Variants in XKR4 observed in about 807,000 individuals in gnomAD.
The protein encoded by XKR4 is XK-related protein 4.
Under a neutral mutation model 53.9 loss-of-function variants are expected in XKR4, and 12 were observed. That is an observed-to-expected ratio of 0.22 (90% CI 0.14 to 0.36). XKR4 has a LOEUF of 0.36. XKR4 is among the 10% of genes least tolerant of loss of function. The pLI is 1.00. For missense variants in XKR4, 799 were observed against 859.5 expected, an observed-to-expected ratio of 0.93 and a Z score of 0.88; for synonymous variants, 354 against 362.4, an observed-to-expected ratio of 0.98 and a Z score of 0.26.
At chr8:55,252,249 A>G (rs1000780188) in intron 1 of XKR4, among the ~76,000 whole-genome samples, 11 of 152,214 alleles carry the variant, frequency 7.2e-5, no homozygotes, top group African/African-American at 2.4e-4. Context: ...TTTGTCTATG[A>G]TGTCTTCATT....
intron 2 of XKR4, among the ~76,000 whole-genome samples, chr8:55,510,631 C>T (rs1806611901): frequency 6.6e-6 from 1 of 152,106 alleles, no homozygotes; most frequent in African/African-American, 2.4e-5. Context: ...ACATCTGATC[C>T]TAAATCCTAA....
At chr8:55,259,911 C>A (rs1345689526) in intron 1 of XKR4, among the ~76,000 whole-genome samples, 1 of 151,678 alleles carries the variant, frequency 6.6e-6, no homozygotes, top group Non-Finnish European at 1.5e-5. Flanking sequence ...ACACACTCAC[C>A]CACCCACCCA....
At chr8:55,170,032 C>T (rs190432513) in intron 1 of XKR4, among the ~76,000 whole-genome samples, 53 of 152,268 alleles carry the variant, frequency 3.5e-4, no homozygotes, top group Admixed American at 5.9e-4. Context: ...TTCAACAAAA[C>T]AGGCAATAGT....
chr8:55,413,909 A>C (rs1401982271), intron 2 of XKR4, among the ~76,000 whole-genome samples: 1 of 152,226 alleles, frequency 6.6e-6, no homozygotes, highest in East Asian at 1.9e-4. Flanking sequence ...ATTAGTTAAC[A>C]GTCTGTTAAT....
At chr8:55,462,385 G>A (rs1383543732) in intron 2 of XKR4, among the ~76,000 whole-genome samples, 5 of 152,112 alleles carry the variant, frequency 3.3e-5, no homozygotes, top group Non-Finnish European at 7.4e-5. Context: ...AGCTTCATAA[G>A]TGAAGGAGAA....
At chr8:55,486,181 T>C (rs1806188964) in intron 2 of XKR4, among the ~76,000 whole-genome samples, 1 of 152,196 alleles carries the variant, frequency 6.6e-6, no homozygotes. Flanking sequence ...GCGCATCACT[T>C]TGGTGCATAA....
chr8:55,336,252 A>T (rs910553331), intron 1 of XKR4, among the ~76,000 whole-genome samples: 4 of 151,880 alleles, frequency 2.6e-5, no homozygotes, highest in Admixed American at 2.6e-4. Context: ...ACAAGATCTG[A>T]TGGGTTTATC....
At position 55,530,271 on chromosome 8, in the gene XKR4, A is replaced by C. The variant is rs1296616193; in HGVS notation, c.*6044A>C. 1 of 152,144 alleles carries C rather than the reference A, an allele frequency of 6.6e-6. No individual in the cohort carries two copies. Among genetic ancestry groups the C allele is most frequent in the African/African-American group, 2.4e-5 (1 of 41,414 alleles). The allele number at this position is 152,144 out of a possible 1,614,324, so 9.4% of individuals were successfully genotyped here. ...TAAGGTAATTCTGTTTCACTGCCAT[A>C]ATTTTTCCCTAAATTTTATTTAATA... On this transcript the variant is annotated 3_prime_UTR_variant, in exon 3 of 3. Transcript: ENST00000327381.
chr8:55,332,485 C>T (rs754319681), intron 1 of XKR4, among the ~76,000 whole-genome samples: 7 of 151,992 alleles, frequency 4.6e-5, no homozygotes, highest in Non-Finnish European at 7.4e-5. Context: ...TAGGACATAT[C>T]TAGTTGCAAG....
chr8:55,421,226 T>A (rs1804923821), intron 2 of XKR4, among the ~76,000 whole-genome samples: 1 of 152,190 alleles, frequency 6.6e-6, no homozygotes, highest in African/African-American at 2.4e-5. Flanking sequence ...TCACAATAAC[T>A]TTTTAAAGAG....
chr8:55,340,581 C>T (rs1010262922), intron 1 of XKR4, among the ~76,000 whole-genome samples: 3 of 152,240 alleles, frequency 2.0e-5, no homozygotes, highest in African/African-American at 4.8e-5. Flanking sequence ...ATCCCAAAGG[C>T]CAGCTCAGGA....
At position 55,523,752 on chromosome 8, in the gene XKR4, G is replaced by A; in HGVS notation, c.1478G>A (p.Cys493Tyr). Residue 493 changes from cysteine (C) to tyrosine (Y), a missense_variant, in exon 3 of 3, where the codon TGT becomes TAT. Transcript: ENST00000327381. Reference sequence around the variant, plus strand: ...GACGCATTTGCCATTCCAGCGCTGTGTGTGGTGTTCAGCAGCTTTTTAACT... The same window carrying A: ...GACGCATTTGCCATTCCAGCGCTGTATGTGGTGTTCAGCAGCTTTTTAACT... ...IADAFAIPAL[C>Y]VVFSSFLTGV... 6.2e-7 allele frequency: 1 copy of A among 1,614,200 alleles called. No homozygotes were observed. Among genetic ancestry groups the A allele is most frequent in the South Asian group, 1.1e-5 (1 of 91,084 alleles).
intron 1 of XKR4, among the ~76,000 whole-genome samples, chr8:55,108,572 G>C (rs888075874): frequency 6.6e-6 from 1 of 152,128 alleles, no homozygotes; most frequent in African/African-American, 2.4e-5. Flanking sequence ...AGAAAAACAA[G>C]TTGGTTGAAA....
chr8:55,335,615 C>T (rs997980821), intron 1 of XKR4, among the ~76,000 whole-genome samples: 7 of 152,234 alleles, frequency 4.6e-5, no homozygotes, highest in African/African-American at 1.7e-4. Flanking sequence ...CACACAAAAT[C>T]CTGTATTTGA....
At chr8:55,451,573 T>C in intron 2 of XKR4, 1 of 1,227,670 alleles carries the variant, frequency 8.1e-7, no homozygotes. Flanking sequence ...CAGTACTGCC[T>C]TGGACCGCCG....
intron 1 of XKR4, among the ~76,000 whole-genome samples, chr8:55,144,335 G>A (rs1216149430): frequency 2.0e-5 from 3 of 151,620 alleles, no homozygotes; most frequent in Non-Finnish European, 4.4e-5. Context: ...TTCATTTCCT[G>A]ATTTGACAAA....
Position 55,476,892 on chromosome 8 carries a change from G to A in XKR4, c.1007-46389G>A, listed in dbSNP as rs571881478. 2.6e-4 allele frequency among the ~76,000 whole-genome samples: 39 copies of A among 152,196 alleles called. 1 individual carries two copies. The highest frequency in any genetic ancestry group is 6.2e-4 in the South Asian group (3 of 4,822). ...GCTTGATTAGGTAAACAAAGCAGCC[G>A]GGAAGCTCGAACTGGGTGGAGCCCA... On this transcript the variant is annotated intron_variant, in intron 2 of 2. Coordinates refer to ENST00000327381, the MANE Select transcript of XKR4 (RefSeq NM_052898.2).
chr8:55,464,687 A>T (rs1206226806), intron 2 of XKR4, among the ~76,000 whole-genome samples: 1 of 152,150 alleles, frequency 6.6e-6, no homozygotes, highest in Non-Finnish European at 1.5e-5. Context: ...GAAAAGAGGA[A>T]GTCAAATTGT....
At chr8:55,124,374 G>C (rs935421694) in intron 1 of XKR4, among the ~76,000 whole-genome samples, 4 of 152,230 alleles carry the variant, frequency 2.6e-5, no homozygotes, top group African/African-American at 9.6e-5. Context: ...ATTGTTCCCT[G>C]AAGGCGGGAC....
Sources: allele counts gnomAD v4.1 joint callset (sites outside exome capture counted in the v4.1 genomes callset), GRCh38; gene constraint gnomAD v4.1.1; transcripts MANE v1.5; gene names NCBI Gene and HGNC (gene_info 2026-07-23, HGNC 2026-07-21).